RSPH14: variants seen among roughly 807,000 people sequenced by gnomAD.
The protein encoded by RSPH14 is radial spoke head 14 homolog.
RSPH14 carries 20 observed loss-of-function variants against 26.7 expected under a neutral mutation model. That is an observed-to-expected ratio of 0.75 (90% CI 0.53 to 1.09). The LOEUF (loss-of-function observed/expected upper bound fraction) is 1.09. Among genes scored for constraint, RSPH14 ranks in the 50% least tolerant of loss-of-function variants. The pLI is 0.00. For missense variants in RSPH14, 449 were observed against 457.2 expected (o/e 0.98, Z 0.16); for synonymous variants, 177 against 189.3 (o/e 0.93, Z 0.53).
At chr22:23,075,295 A>G (rs545373004) in intron 4 of RSPH14, among the ~76,000 whole-genome samples, 1 of 152,264 alleles carries the variant, frequency 6.6e-6, no homozygotes, top group East Asian at 1.9e-4. Flanking sequence ...TCACCTTGGC[A>G]CCATGGCCCA....
chr22:23,099,360 G>A (rs958934224), intron 4 of RSPH14, among the ~76,000 whole-genome samples: 2 of 152,234 alleles, frequency 1.3e-5, no homozygotes, highest in African/African-American at 4.8e-5. Context: ...GAAGGAATTG[G>A]CAGTCCCTTG....
At chr22:23,166,443 GAGGCAAAGCAAGGGCT>G in the RSPH14 span, among the ~76,000 whole-genome samples, 1 of 151,842 alleles carries the variant, frequency 6.6e-6, no homozygotes, top group Admixed American at 6.6e-5. Flanking sequence ...TTTTTGTCCT[GAGGCAAAGCAAGGGCT>G]TTCTCCCTAA....
At position 23,059,521 on chromosome 22, in the gene RSPH14, C is replaced by A. The variant is rs1048741140; in HGVS notation, c.988G>T (p.Ala330Ser). The A allele has an allele frequency of 2.5e-6, 4 of 1,614,050 alleles. No individual in the cohort carries two copies. The highest frequency in any genetic ancestry group is 2.7e-5 in the African/African-American group (2 of 74,948). ...EVETYEKPQV[A>S]EALQRAARIA... ...CGGGCTGCCCGCTGTAAGGCTTCGG[C>A]CACTTGAGGCTTTTCGTAAGTCTCC... The change falls in exon 7 of 7, where the codon GCC becomes TCC. Residue 330 changes from alanine to serine, a missense_variant. Physicochemically the swap from Ala to Ser is moderately conservative, Grantham distance 99 (BLOSUM62 1). Transcript: ENST00000216036.
chr22:23,120,290 G>A (rs1232762412), intron 4 of RSPH14, among the ~76,000 whole-genome samples: 1 of 152,176 alleles, frequency 6.6e-6, no homozygotes, highest in Non-Finnish European at 1.5e-5. Context: ...CTCACCCCAG[G>A]ACTCACGGGG....
chr22:23,104,151 C>T (rs1485946725), intron 4 of RSPH14, among the ~76,000 whole-genome samples: 1 of 151,572 alleles, frequency 6.6e-6, no homozygotes, highest in Non-Finnish European at 1.5e-5. Flanking sequence ...ACTGAGGGGG[C>T]TGTCGGGGGC....
At chr22:23,077,852 G>A (rs2068549031) in intron 4 of RSPH14, among the ~76,000 whole-genome samples, 1 of 152,184 alleles carries the variant, frequency 6.6e-6, no homozygotes, top group Non-Finnish European at 1.5e-5. Flanking sequence ...GACCCCCTGT[G>A]AACTGGTGGT....
chr22:23,128,301 T>C (rs140432346), intron 4 of RSPH14, among the ~76,000 whole-genome samples: 2 of 152,262 alleles, frequency 1.3e-5, no homozygotes, highest in Admixed American at 6.5e-5. Flanking sequence ...TGGTCACCGA[T>C]AGGGACACTC....
At chr22:23,067,568 T>C (rs542868565) in intron 4 of RSPH14, among the ~76,000 whole-genome samples, 1 of 152,312 alleles carries the variant, frequency 6.6e-6, no homozygotes, top group South Asian at 2.1e-4. Context: ...CTCCAAGGGG[T>C]GCTTCTCTGT....
the RSPH14 span, chr22:23,153,420 C>T: frequency 9.8e-6 from 3 of 306,814 alleles, no homozygotes; most frequent in East Asian, 5.2e-4. Flanking sequence ...TCTTGAGGCC[C>T]TGGCTCCAGT....
upstream of RSPH14, among the ~76,000 whole-genome samples, chr22:23,147,921 G>C (rs1488533908): frequency 6.6e-6 from 1 of 152,196 alleles, no homozygotes; most frequent in Non-Finnish European, 1.5e-5. Context: ...ACTCCGGTGT[G>C]TGAAAACAAG....
intron 4 of RSPH14, among the ~76,000 whole-genome samples, chr22:23,103,672 T>C (rs903244931): frequency 7.9e-5 from 12 of 152,188 alleles, no homozygotes; most frequent in African/African-American, 2.9e-4. Flanking sequence ...CTGGGGGCCA[T>C]CTGATGTTCT....
chr22:23,169,566 G>A, the RSPH14 span, among the ~76,000 whole-genome samples: 1 of 152,232 alleles, frequency 6.6e-6, no homozygotes, highest in African/African-American at 2.4e-5. Flanking sequence ...TGACTCAGGA[G>A]GTTGGGCTCA....
At chr22:23,130,372 ATGAACCC>A (rs945265875) in intron 4 of RSPH14, among the ~76,000 whole-genome samples, 14 of 150,512 alleles carry the variant, frequency 9.3e-5, no homozygotes, top group African/African-American at 3.4e-4. Flanking sequence ...GGAGAATGGC[ATGAACCC>A]GGGAGGTGGA....
chr22:23,123,231 G>C (rs148799264), intron 4 of RSPH14: 1 of 1,614,132 alleles, frequency 6.2e-7, no homozygotes, highest in Non-Finnish European at 8.5e-7. Flanking sequence ...CTGCTTTCCC[G>C]AGTACAAGGG....
intron 4 of RSPH14, among the ~76,000 whole-genome samples, chr22:23,066,585 C>T (rs2068216075): frequency 2.0e-5 from 3 of 152,202 alleles, no homozygotes; most frequent in Admixed American, 1.3e-4. Flanking sequence ...GTGTGCCTTT[C>T]TGCTCGTTCA....
At chr22:23,103,518 T>C (rs2069365483) in intron 4 of RSPH14, among the ~76,000 whole-genome samples, 1 of 152,244 alleles carries the variant, frequency 6.6e-6, no homozygotes, top group South Asian at 2.1e-4. Context: ...GGGTTGCATC[T>C]GTTCGTGTTT....
At chr22:23,130,863 G>T (rs985595856) in intron 4 of RSPH14, among the ~76,000 whole-genome samples, 2 of 152,258 alleles carry the variant, frequency 1.3e-5, no homozygotes, top group Admixed American at 1.3e-4. Context: ...ATCAGGCTGG[G>T]ATATGCCCCG....
rs771929971 is a variant in RSPH14 at position 23,104,219 on chromosome 22, G to A, written c.421+29807C>T. On this transcript the variant is annotated intron_variant, in intron 4 of 6. Coordinates refer to ENST00000216036, the MANE Select transcript of RSPH14 (RefSeq NM_014433.3). The stretch of plus-strand genomic sequence containing the variant: ...GCAGCGGGATGACGGAGGACCAGGC[G>A]GTGTAAGGTCTAAGCAGGCAGGGCA... 5.3e-5 allele frequency among the ~76,000 whole-genome samples: 8 copies of A among 152,274 alleles called. No homozygotes were observed. In the East Asian group the frequency reaches 5.8e-4, roughly 11 times the overall value.
At chr22:23,086,597 C>G (rs979017103) in intron 4 of RSPH14, among the ~76,000 whole-genome samples, 2 of 152,326 alleles carry the variant, frequency 1.3e-5, no homozygotes, top group African/African-American at 4.8e-5. Context: ...CCCTCCCTGA[C>G]CCCACCATGC....
Sources: allele counts gnomAD v4.1 joint callset (sites outside exome capture counted in the v4.1 genomes callset), GRCh38; gene constraint gnomAD v4.1.1; transcripts MANE v1.5; gene names NCBI Gene and HGNC (gene_info 2026-07-23, HGNC 2026-07-21).